DKK2: variants seen among roughly 807,000 people sequenced by gnomAD.
DKK2 encodes the protein dickkopf Wnt signaling pathway inhibitor 2.
In DKK2, 11 loss-of-function variants were observed where a neutral mutation model predicts 28.1. The ratio of observed to expected loss-of-function variants is 0.39; its 90% CI spans 0.25 to 0.65. DKK2 has a LOEUF of 0.65. Among genes scored for constraint, DKK2 ranks in the 30% least tolerant of loss-of-function variants. The probability of loss-of-function intolerance (pLI) is 0.47; values close to 1 mark genes in which losing one functional copy is unlikely to be tolerated. For missense variants in DKK2, 326 were observed against 335.5 expected (o/e 0.97, Z 0.22); for synonymous variants, 135 against 126.5 (o/e 1.07, Z -0.45).
intron 1 of DKK2, among the ~76,000 whole-genome samples, chr4:107,014,364 T>C (rs1472238201): frequency 2.0e-5 from 3 of 151,516 alleles, no homozygotes; most frequent in Non-Finnish European, 3.0e-5. Flanking sequence ...AAGGACATTA[T>C]GTTAAGTATA....
intron 1 of DKK2, among the ~76,000 whole-genome samples, chr4:106,985,750 A>C (rs1723107191): frequency 6.6e-6 from 1 of 151,414 alleles, no homozygotes; most frequent in Non-Finnish European, 1.5e-5. Context: ...CAGAGGTTGC[A>C]GTGAGCTGAG....
chr4:106,973,624 C>G (rs1411677162), intron 1 of DKK2, among the ~76,000 whole-genome samples: 1 of 152,102 alleles, frequency 6.6e-6, no homozygotes, highest in African/African-American at 2.4e-5. Context: ...CCTGTAGCTT[C>G]TGGAGATTAG....
chr4:107,014,436 G>A (rs1294879039), intron 1 of DKK2, among the ~76,000 whole-genome samples: 2 of 151,326 alleles, frequency 1.3e-5, no homozygotes, highest in African/African-American at 4.8e-5. Context: ...ATCTAAAAAA[G>A]TTGATCTCAT....
chr4:107,032,594 C>T (rs534614572), intron 1 of DKK2, among the ~76,000 whole-genome samples: 1 of 152,180 alleles, frequency 6.6e-6, no homozygotes, highest in East Asian at 1.9e-4. Context: ...CTATTTTCAA[C>T]ATCCATTTAA....
At chr4:107,010,382 T>A (rs112740429) in intron 1 of DKK2, among the ~76,000 whole-genome samples, 2,465 of 151,788 alleles carry the variant, frequency 0.016, 57 homozygotes, top group African/African-American at 0.055. Context: ...ATCTACTAAG[T>A]GTACATTGCT....
At chr4:106,994,262 C>T (rs534816553) in intron 1 of DKK2, among the ~76,000 whole-genome samples, 26 of 152,182 alleles carry the variant, frequency 1.7e-4, no homozygotes, top group Admixed American at 6.5e-4. Flanking sequence ...TCAGAGCTTG[C>T]CTGCAATGCT....
At chr4:106,924,979 A>G (rs1394474406) in intron 2 of DKK2, among the ~76,000 whole-genome samples, 2 of 152,214 alleles carry the variant, frequency 1.3e-5, no homozygotes, top group African/African-American at 4.8e-5. Context: ...GTTATTGTGA[A>G]TATATGTGAA....
intron 1 of DKK2, among the ~76,000 whole-genome samples, chr4:107,001,085 AG>A (rs966137373): frequency 5.9e-5 from 9 of 152,196 alleles, no homozygotes; most frequent in African/African-American, 1.9e-4. Context: ...AAAAACCAAA[AG>A]GGGGAAAAAA....
At chr4:106,968,445 C>T (rs1203242583) in intron 1 of DKK2, among the ~76,000 whole-genome samples, 1 of 152,112 alleles carries the variant, frequency 6.6e-6, no homozygotes, top group African/African-American at 2.4e-5. Context: ...AATATTAACA[C>T]ATTCATGTGA....
intron 1 of DKK2, among the ~76,000 whole-genome samples, chr4:107,003,666 T>C (rs1479397465): frequency 6.6e-6 from 1 of 152,238 alleles, no homozygotes. Context: ...ACCAGATGTC[T>C]GAACTTGCAG....
intron 1 of DKK2, among the ~76,000 whole-genome samples, chr4:107,015,825 G>T (rs143167220): frequency 6.6e-6 from 1 of 151,692 alleles, no homozygotes; most frequent in Non-Finnish European, 1.5e-5. Context: ...TTCTGTTAAT[G>T]GGGTCACAGA....
At chr4:107,014,959 T>C (rs1723573357) in intron 1 of DKK2, among the ~76,000 whole-genome samples, 1 of 151,572 alleles carries the variant, frequency 6.6e-6, no homozygotes, top group Admixed American at 6.6e-5. Flanking sequence ...TACCCTAATT[T>C]ATATATACAT....
At chr4:106,991,604 C>A (rs147206399) in intron 1 of DKK2, among the ~76,000 whole-genome samples, 2 of 152,292 alleles carry the variant, frequency 1.3e-5, no homozygotes, top group African/African-American at 4.8e-5. Context: ...CACATCCATG[C>A]AGCCAGATCA....
chr4:106,986,922 TTAAA>T (rs1285773335), intron 1 of DKK2, among the ~76,000 whole-genome samples: 2 of 152,236 alleles, frequency 1.3e-5, no homozygotes, highest in African/African-American at 4.8e-5. Flanking sequence ...TATTCTAAAA[TTAAA>T]TACTTTATCC....
chr4:107,028,835 C>G (rs1428040285), intron 1 of DKK2, among the ~76,000 whole-genome samples: 5 of 152,192 alleles, frequency 3.3e-5, no homozygotes, highest in African/African-American at 9.7e-5. Context: ...ATTGGGAAAG[C>G]CTGTGCTTCT....
chr4:106,996,138 T>C (rs1723269347), intron 1 of DKK2, among the ~76,000 whole-genome samples: 1 of 152,220 alleles, frequency 6.6e-6, no homozygotes, highest in African/African-American at 2.4e-5. Context: ...AGAATTGTAT[T>C]GACAATGTAT....
chr4:107,009,375 G>A (rs1723483616), intron 1 of DKK2, among the ~76,000 whole-genome samples: 1 of 151,952 alleles, frequency 6.6e-6, no homozygotes, highest in African/African-American at 2.4e-5. Flanking sequence ...TGGACTGGCA[G>A]CAATCAGAAC....
intron 1 of DKK2, 92 bp from the exon 2 acceptor site, chr4:106,926,041 T>A: frequency 7.4e-7 from 1 of 1,343,414 alleles, no homozygotes; most frequent in Non-Finnish European, 1.0e-6. Flanking sequence ...AGAAAATGAA[T>A]CACAATATAT....
chr4:107,016,696 T>C (rs1723609437), intron 1 of DKK2, among the ~76,000 whole-genome samples: 1 of 151,940 alleles, frequency 6.6e-6, no homozygotes, highest in East Asian at 1.9e-4. Context: ...GCTAAGGGGC[T>C]TCCTTAATGG....
Sources: allele counts gnomAD v4.1 joint callset (sites outside exome capture counted in the v4.1 genomes callset), GRCh38; gene constraint gnomAD v4.1.1; transcripts MANE v1.5; gene names NCBI Gene and HGNC (gene_info 2026-07-23, HGNC 2026-07-21).